The following IMMP2L variants were observed in gnomAD, a reference collection of about 807,000 sequenced individuals.
IMMP2L encodes inner mitochondrial membrane peptidase subunit 2, also known as mitochondrial inner membrane protease subunit 2.
IMMP2L carries 18 observed loss-of-function variants against 19.3 expected under a neutral mutation model. The ratio of observed to expected loss-of-function variants is 0.93; its 90% CI spans 0.64 to 1.38. The LOEUF (loss-of-function observed/expected upper bound fraction) is 1.38. IMMP2L is among the 40% of genes most tolerant of loss of function. The pLI is 0.00. For missense variants in IMMP2L, 233 were observed against 218.2 expected (o/e 1.07, Z -0.43); for synonymous variants, 76 against 73.0 (o/e 1.04, Z -0.21).
In IMMP2L at chr7:111,426,648, T is replaced by C. The variant is rs150412513; in HGVS notation, c.239+60590A>G. On this transcript the variant is annotated intron_variant, in intron 3 of 5. Transcript: ENST00000405709. Reference sequence around the variant, plus strand: ...TAGAGACTTTAAATATGTTATGTTGTCCTTTTTAAGGCATGTGGCTGGTCA... The same window carrying C: ...TAGAGACTTTAAATATGTTATGTTGCCCTTTTTAAGGCATGTGGCTGGTCA... Among the ~76,000 whole-genome samples, 55 of 151,414 alleles carry C rather than the reference T, an allele frequency of 3.6e-4. No individual in the cohort carries two copies. In the East Asian group the frequency reaches 9.8e-3, roughly 27 times the overall value.
intron 3 of IMMP2L, among the ~76,000 whole-genome samples, chr7:111,022,857 A>C (rs1014285588): frequency 2.1e-5 from 3 of 144,956 alleles, no homozygotes; most frequent in Non-Finnish European, 4.5e-5. Context: ...AATAAGTTTC[A>C]TTCATTATTA....
chr7:110,774,865 C>A (rs150488272), intron 5 of IMMP2L, among the ~76,000 whole-genome samples: 1 of 152,014 alleles, frequency 6.6e-6, no homozygotes, highest in East Asian at 1.9e-4. Context: ...TTTAGTGATG[C>A]GTGACTGTAC....
intron 3 of IMMP2L, among the ~76,000 whole-genome samples, chr7:111,354,999 G>T (rs1177131904): frequency 4.0e-5 from 6 of 151,820 alleles, no homozygotes; most frequent in Non-Finnish European, 8.9e-5. Flanking sequence ...AGAATAAAGA[G>T]AAAGTGAAGG....
chr7:111,433,654 C>A (rs10247627), intron 3 of IMMP2L, among the ~76,000 whole-genome samples: 2 of 151,348 alleles, frequency 1.3e-5, no homozygotes, highest in Non-Finnish European at 2.9e-5. Flanking sequence ...TCAGACCCCA[C>A]GATTCAATTA....
chr7:111,132,276 A>G (rs1801921861), intron 3 of IMMP2L, among the ~76,000 whole-genome samples: 1 of 151,962 alleles, frequency 6.6e-6, no homozygotes, highest in Admixed American at 6.6e-5. Flanking sequence ...ATTTTTCTGC[A>G]ATTATTTCCA....
chr7:110,852,875 G>A (rs772461131), intron 5 of IMMP2L, among the ~76,000 whole-genome samples: 19 of 151,946 alleles, frequency 1.3e-4, no homozygotes, highest in Non-Finnish European at 1.5e-4. Flanking sequence ...GAGTGAAAAC[G>A]TCTTTTCATG....
chr7:111,048,742 T>C (rs1792697736), intron 3 of IMMP2L, among the ~76,000 whole-genome samples: 1 of 152,190 alleles, frequency 6.6e-6, no homozygotes. Flanking sequence ...TCATAAAGAC[T>C]ATAAAAAGAC....
chr7:110,777,616 AT>A (rs1286605284), intron 5 of IMMP2L, among the ~76,000 whole-genome samples: 2 of 151,998 alleles, frequency 1.3e-5, no homozygotes, highest in South Asian at 2.1e-4. Context: ...AGAATGTCTT[AT>A]GTTATATAAG....
intron 5 of IMMP2L, among the ~76,000 whole-genome samples, chr7:110,774,439 A>G (rs1346651791): frequency 6.6e-6 from 1 of 152,048 alleles, no homozygotes; most frequent in Non-Finnish European, 1.5e-5. Context: ...CTTTAACAGT[A>G]TTTTTTACTA....
intron 3 of IMMP2L, among the ~76,000 whole-genome samples, chr7:111,365,904 C>T (rs540400940): frequency 1.3e-5 from 2 of 151,884 alleles, no homozygotes; most frequent in South Asian, 4.2e-4. Context: ...TATAAACCAC[C>T]AGTAAAAAAA....
intron 4 of IMMP2L, among the ~76,000 whole-genome samples, chr7:110,952,385 C>T (rs1238858728): frequency 6.6e-6 from 1 of 152,118 alleles, no homozygotes; most frequent in Non-Finnish European, 1.5e-5. Flanking sequence ...AAAACTCCCA[C>T]ACATTTAGCA....
chr7:110,825,725 A>T (rs1477291064), intron 5 of IMMP2L, among the ~76,000 whole-genome samples: 1 of 152,222 alleles, frequency 6.6e-6, no homozygotes, highest in Non-Finnish European at 1.5e-5. Context: ...ACCTAAAACC[A>T]TAAAAACCCT....
chr7:111,287,302 G>GTA (rs1244183729), intron 3 of IMMP2L, among the ~76,000 whole-genome samples: 1 of 152,030 alleles, frequency 6.6e-6, no homozygotes. Context: ...ATCTCTAAAC[G>GTA]TACATATTCC....
intron 3 of IMMP2L, among the ~76,000 whole-genome samples, chr7:111,038,028 G>A (rs934415637): frequency 2.0e-5 from 3 of 152,144 alleles, no homozygotes; most frequent in Admixed American, 2.0e-4. Flanking sequence ...GTGATTGATA[G>A]ATACTATTAT....
In IMMP2L at chr7:110,864,004, A is replaced by G. The variant is rs185054181; in HGVS notation, c.408+22589T>C. ...ACATACTTACAAAGCAAAGGAGTGT[A>G]TAATAGAAACAATACATTCTACCCC... On this transcript the variant is annotated intron_variant, in intron 5 of 5. Coordinates refer to ENST00000405709, the MANE Select transcript of IMMP2L (RefSeq NM_032549.4). 1.4e-3 allele frequency among the ~76,000 whole-genome samples: 209 copies of G among 152,264 alleles called. 1 individual carries two copies. Among genetic ancestry groups the G allele is most frequent in the African/African-American group, 3.8e-3 (160 of 41,586 alleles).
Position 111,283,275 on chromosome 7 carries a change from T to C in IMMP2L, c.239+203963A>G, listed in dbSNP as rs528538966. On this transcript the variant is annotated intron_variant, in intron 3 of 5. Coordinates refer to ENST00000405709, the MANE Select transcript of IMMP2L (RefSeq NM_032549.4). ...GAAAAACAATTACAGAACATTGTGG[T>C]AAATGCAAGAATGGGAGCTAGCAAG... Among the ~76,000 whole-genome samples, 19 of 152,216 alleles carry C rather than the reference T, an allele frequency of 1.2e-4. No homozygotes were observed. In the East Asian group the frequency reaches 3.5e-3, roughly 28 times the overall value.
rs764727239 is a variant in IMMP2L at position 111,124,144 on chromosome 7, A to T, written c.240-160579T>A. 1.9e-6 allele frequency: 3 copies of T among 1,613,994 alleles called. No individual in the cohort carries two copies. In the South Asian group the frequency reaches 3.3e-5, roughly 18 times the overall value. Reference sequence around the variant, plus strand: ...ACCACAGCCTGAAATCTACTGGATAACACCTTCTGGTCAAAAACTCTTGCC... The same window carrying T: ...ACCACAGCCTGAAATCTACTGGATATCACCTTCTGGTCAAAAACTCTTGCC... On this transcript the variant is annotated intron_variant, in intron 3 of 5. Coordinates refer to ENST00000405709, the MANE Select transcript of IMMP2L (RefSeq NM_032549.4).
chr7:110,798,106 T>A (rs1298471999), intron 5 of IMMP2L, among the ~76,000 whole-genome samples: 2 of 151,974 alleles, frequency 1.3e-5, no homozygotes, highest in African/African-American at 4.8e-5. Flanking sequence ...TATATATAAC[T>A]TTTATTTATC....
intron 3 of IMMP2L, among the ~76,000 whole-genome samples, chr7:111,180,652 A>T (rs1469462069): frequency 6.6e-6 from 1 of 152,122 alleles, no homozygotes; most frequent in African/African-American, 2.4e-5. Context: ...GGGTTGCTAC[A>T]AACCTAATGC....
Sources: allele counts gnomAD v4.1 joint callset (sites outside exome capture counted in the v4.1 genomes callset), GRCh38; gene constraint gnomAD v4.1.1; transcripts MANE v1.5; gene names NCBI Gene and HGNC (gene_info 2026-07-23, HGNC 2026-07-21).